Variants in PXDNL observed in about 807,000 individuals in gnomAD.
PXDNL encodes probable oxidoreductase PXDNL.
In PXDNL, 145 loss-of-function variants were observed where a neutral mutation model predicts 150.8. The ratio of observed to expected loss-of-function variants is 0.96; its 90% CI spans 0.84 to 1.10. The LOEUF (loss-of-function observed/expected upper bound fraction) is 1.10. Ranked by LOEUF, PXDNL falls within the 50% of genes least tolerant of loss-of-function variation. PXDNL has a pLI of 0.00. For synonymous variants in PXDNL, 757 were observed against 725.7 expected, an observed-to-expected ratio of 1.04 and a Z score of -0.69; for missense variants, 2,087 against 1,873.9, an observed-to-expected ratio of 1.11 and a Z score of -2.10.
rs561642401 is a variant in PXDNL, at chr8:51,466,307, C to T, written c.812+5880G>A. Among the ~76,000 whole-genome samples the T allele has an allele frequency of 4.6e-5, 7 of 152,228 alleles. No homozygotes were observed. The South Asian group carries it at 1.5e-3, about 32-fold the overall frequency. ...AAACTAAGCAATGGAAAAGGATTCC[C>T]TATTCAATAAATGGTGCTGGGAGAA... On this transcript the variant is annotated intron_variant, in intron 8 of 22. Transcript: ENST00000356297.
intron 21 of PXDNL, among the ~76,000 whole-genome samples, chr8:51,328,185 G>T (rs984331678): frequency 6.6e-6 from 1 of 152,314 alleles, no homozygotes; most frequent in East Asian, 1.9e-4. Flanking sequence ...CAGCTGTCCT[G>T]GGTCTTCAGC....
At chr8:51,690,508 G>T (rs546482173) in intron 1 of PXDNL, among the ~76,000 whole-genome samples, 9,841 of 151,826 alleles carry the variant, frequency 0.065, 399 homozygotes, top group African/African-American at 0.12. Flanking sequence ...CTCATCATTT[G>T]TTATGGCTGC....
At chr8:51,386,282 G>A (rs887343055) in intron 17 of PXDNL, among the ~76,000 whole-genome samples, 1 of 151,920 alleles carries the variant, frequency 6.6e-6, no homozygotes, top group African/African-American at 2.4e-5. Flanking sequence ...TAGTAGAGAT[G>A]GGGTTTCACC....
chr8:51,398,596 G>C (rs966496766), intron 17 of PXDNL, among the ~76,000 whole-genome samples: 7 of 152,182 alleles, frequency 4.6e-5, no homozygotes, highest in African/African-American at 1.7e-4. Flanking sequence ...GCCAAGATTA[G>C]CATGGCCAAC....
chr8:51,419,626 A>T (rs1808892797), intron 14 of PXDNL, among the ~76,000 whole-genome samples: 1 of 152,224 alleles, frequency 6.6e-6, no homozygotes, highest in African/African-American at 2.4e-5. Context: ...GCCTTCAGTC[A>T]AACCGAATCA....
chr8:51,694,193 G>A (rs562748500), intron 1 of PXDNL, among the ~76,000 whole-genome samples: 3 of 152,014 alleles, frequency 2.0e-5, no homozygotes, highest in Non-Finnish European at 4.4e-5. Flanking sequence ...CCCTGTTTCT[G>A]CTAAACAAAA....
intron 2 of PXDNL, among the ~76,000 whole-genome samples, chr8:51,622,337 C>T (rs1163210701): frequency 2.0e-5 from 3 of 152,140 alleles, no homozygotes; most frequent in Non-Finnish European, 4.4e-5. Context: ...AGCTGCCAGA[C>T]TTTGAGCCCA....
intron 1 of PXDNL, among the ~76,000 whole-genome samples, chr8:51,759,995 G>A (rs978406535): frequency 1.3e-5 from 2 of 152,188 alleles, no homozygotes; most frequent in African/African-American, 4.8e-5. Context: ...TATCAGTTCT[G>A]AGGCTACTCT....
chr8:51,628,647 C>T (rs1563488272), intron 2 of PXDNL, among the ~76,000 whole-genome samples: 1 of 151,848 alleles, frequency 6.6e-6, no homozygotes, highest in African/African-American at 2.4e-5. Flanking sequence ...TTGTGATCCA[C>T]CCACCTTGGC....
intron 17 of PXDNL, among the ~76,000 whole-genome samples, chr8:51,377,757 G>C (rs564983981): frequency 2.0e-5 from 3 of 152,296 alleles, no homozygotes; most frequent in South Asian, 2.1e-4. Flanking sequence ...CTCCCTGCGG[G>C]GCAGGGCTGA....
chr8:51,792,438 C>A (rs2037522437), intron 1 of PXDNL, among the ~76,000 whole-genome samples: 2 of 152,226 alleles, frequency 1.3e-5, no homozygotes, highest in South Asian at 2.1e-4. Flanking sequence ...TCCTCGTGAG[C>A]CCACACCACC....
intron 4 of PXDNL, among the ~76,000 whole-genome samples, chr8:51,530,696 G>C (rs79092103): frequency 6.6e-6 from 1 of 151,952 alleles, no homozygotes; most frequent in Admixed American, 6.5e-5. Context: ...CACACTCTGC[G>C]TGTAGTGCTC....
chr8:51,608,403 A>G lies in PXDNL; in HGVS notation c.237-15705T>C, dbSNP rs571929916. On this transcript the variant is annotated intron_variant, in intron 2 of 22. Coordinates refer to ENST00000356297, the MANE Select transcript of PXDNL (RefSeq NM_144651.5). The stretch of plus-strand genomic sequence containing the variant: ...GACTCCGTCAAAAAAAAAAAAAAAA[A>G]GAAAGAAAGGAAGGAAGGAAGAAAG... Among the ~76,000 whole-genome samples the G allele has an allele frequency of 5.6e-5, 8 of 142,094 alleles. No homozygotes were observed. The East Asian group carries it at 1.4e-3, about 25-fold the overall frequency. The allele number at this position is 142,094 out of a possible 152,430, so 93.2% of individuals were successfully genotyped here. A position where few individuals can be genotyped will look rare whatever the true frequency, so the allele number is the denominator to read the frequency against.
At chr8:51,350,498 T>A (rs1806316479) in intron 19 of PXDNL, among the ~76,000 whole-genome samples, 1 of 151,920 alleles carries the variant, frequency 6.6e-6, no homozygotes, top group African/African-American at 2.4e-5. Context: ...TAGCTGGGAT[T>A]ACAGGCCCAC....
At chr8:51,700,600 AC>A (rs1816237507) in intron 1 of PXDNL, among the ~76,000 whole-genome samples, 15 of 152,098 alleles carry the variant, frequency 9.9e-5, no homozygotes, top group Middle Eastern at 3.4e-3. Context: ...ATACACACAT[AC>A]AGACACAAAT....
intron 8 of PXDNL, among the ~76,000 whole-genome samples, chr8:51,460,624 C>A (rs557069324): frequency 1.3e-5 from 2 of 151,482 alleles, no homozygotes; most frequent in African/African-American, 4.9e-5. Context: ...TGCCAAGACC[C>A]GTTCCTAGTC....
chr8:51,501,552 C>T (rs1323762060), intron 4 of PXDNL, among the ~76,000 whole-genome samples: 1 of 151,596 alleles, frequency 6.6e-6, no homozygotes, highest in Non-Finnish European at 1.5e-5. Flanking sequence ...TAACACACAG[C>T]ATCACACTCA....
chr8:51,422,475 T>C (rs945261035), intron 14 of PXDNL, among the ~76,000 whole-genome samples: 4 of 152,184 alleles, frequency 2.6e-5, no homozygotes, highest in African/African-American at 9.7e-5. Context: ...AAATGGCAAA[T>C]CTTTATAAAT....
At chr8:51,709,053 G>A (rs571366760) in intron 1 of PXDNL, among the ~76,000 whole-genome samples, 8 of 152,262 alleles carry the variant, frequency 5.3e-5, no homozygotes, top group Admixed American at 3.9e-4. Flanking sequence ...GAGCCCTGCT[G>A]AGGAAGAGGA....
Sources: allele counts gnomAD v4.1 joint callset (sites outside exome capture counted in the v4.1 genomes callset), GRCh38; gene constraint gnomAD v4.1.1; transcripts MANE v1.5; gene names NCBI Gene and HGNC (gene_info 2026-07-23, HGNC 2026-07-21).